PDE11A: variants seen among roughly 807,000 people sequenced by gnomAD.
PDE11A encodes dual 3',5'-cyclic-AMP and -GMP phosphodiesterase 11A.
A neutral mutation model predicts 100.5 loss-of-function variants in PDE11A; 100 were observed. The ratio of observed to expected loss-of-function variants is 1.00; its 90% CI spans 0.85 to 1.18. The LOEUF (loss-of-function observed/expected upper bound fraction) is 1.18, where lower values mean the gene tolerates loss of function less well. Among genes scored for constraint, PDE11A ranks in the 50% most tolerant of loss-of-function variants. PDE11A has a pLI of 0.00. For missense variants in PDE11A, 1,141 were observed against 1,152.6 expected, an observed-to-expected ratio of 0.99 and a Z score of 0.15; for synonymous variants, 381 against 420.8, an observed-to-expected ratio of 0.91 and a Z score of 1.16.
At chr2:177,907,638 C>T (rs2084810912) in intron 2 of PDE11A, among the ~76,000 whole-genome samples, 1 of 152,190 alleles carries the variant, frequency 6.6e-6, no homozygotes, top group African/African-American at 2.4e-5. Flanking sequence ...GAGGCACTGG[C>T]TGTATCTTTC....
intron 1 of PDE11A, among the ~76,000 whole-genome samples, chr2:178,048,716 T>C (rs563210920): frequency 7.2e-5 from 11 of 152,096 alleles, no homozygotes; most frequent in Non-Finnish European, 1.5e-4. Flanking sequence ...CTTGGGAGGG[T>C]AGGTTTATCT....
At chr2:177,891,080 T>G (rs2084521655) in intron 4 of PDE11A, among the ~76,000 whole-genome samples, 1 of 152,216 alleles carries the variant, frequency 6.6e-6, no homozygotes, top group South Asian at 2.1e-4. Flanking sequence ...ATACTCATTT[T>G]GGTCTCATCT....
At chr2:177,880,468 T>C (rs950606828) in intron 4 of PDE11A, among the ~76,000 whole-genome samples, 1 of 152,216 alleles carries the variant, frequency 6.6e-6, no homozygotes, top group Admixed American at 6.5e-5. Flanking sequence ...ACACTATCCA[T>C]GACTCCATGA....
intron 5 of PDE11A, among the ~76,000 whole-genome samples, chr2:177,858,827 C>A (rs2083890483): frequency 6.6e-6 from 1 of 152,180 alleles, no homozygotes; most frequent in Non-Finnish European, 1.5e-5. Context: ...TTCACAATAG[C>A]AAAGACTTGG....
intron 1 of PDE11A, among the ~76,000 whole-genome samples, chr2:178,038,469 T>C (rs2086643891): frequency 6.6e-6 from 1 of 152,100 alleles, no homozygotes; most frequent in African/African-American, 2.4e-5. Context: ...AAAATATTTG[T>C]AATACATATA....
chr2:177,838,785 C>T (rs1022079845), intron 6 of PDE11A, among the ~76,000 whole-genome samples: 2 of 152,188 alleles, frequency 1.3e-5, no homozygotes, highest in African/African-American at 4.8e-5. Flanking sequence ...ATTTTCAGTG[C>T]TCCAGTCATA....
intron 5 of PDE11A, among the ~76,000 whole-genome samples, chr2:177,863,590 A>G (rs527889010): frequency 6.6e-6 from 1 of 152,200 alleles, no homozygotes. Flanking sequence ...GGTGCTCAAC[A>G]TTATCAACAT....
At chr2:177,983,583 G>A (rs924274282) in intron 2 of PDE11A, among the ~76,000 whole-genome samples, 2 of 152,156 alleles carry the variant, frequency 1.3e-5, no homozygotes, top group African/African-American at 4.8e-5. Flanking sequence ...CCAAACCTAA[G>A]AAGCCACTTA....
intron 5 of PDE11A, among the ~76,000 whole-genome samples, chr2:177,860,271 G>A (rs1186458156): frequency 6.6e-6 from 1 of 150,950 alleles, no homozygotes; most frequent in Non-Finnish European, 1.5e-5. Context: ...AAACGAAAGA[G>A]GGGCTTTAAC....
intron 10 of PDE11A, among the ~76,000 whole-genome samples, chr2:177,757,450 A>G (rs2105484630): frequency 6.6e-6 from 1 of 152,318 alleles, no homozygotes; most frequent in South Asian, 2.1e-4. Flanking sequence ...ATCAGCAAAA[A>G]TGCTGTGGTT....
chr2:178,029,060 G>T (rs996604757), intron 1 of PDE11A, among the ~76,000 whole-genome samples: 5 of 152,232 alleles, frequency 3.3e-5, no homozygotes, highest in Middle Eastern at 3.4e-3. Context: ...CCTTACTTAA[G>T]AAAGGTTATC....
At chr2:177,957,910 CT>C (rs748839068) in intron 2 of PDE11A, among the ~76,000 whole-genome samples, 13 of 114,482 alleles carry the variant, frequency 1.1e-4, no homozygotes, top group South Asian at 3.0e-4. Context: ...TTTCCAATGC[CT>C]TTTTTTTGAG....
At position 177,703,705 on chromosome 2, in the gene PDE11A, C is replaced by T. The variant is rs532781473; in HGVS notation, c.2154-2494G>A. On this transcript the variant is annotated intron_variant, in intron 13 of 19. Coordinates refer to ENST00000286063, the MANE Select transcript of PDE11A (RefSeq NM_016953.4). Reference sequence around the variant, plus strand: ...TTAACAGACTCCACAAAAGCTGCATCAGCTAGATGATCAGAAGTCACTCTG... The same window carrying T: ...TTAACAGACTCCACAAAAGCTGCATTAGCTAGATGATCAGAAGTCACTCTG... 9.8e-5 allele frequency among the ~76,000 whole-genome samples: 15 copies of T among 152,296 alleles called. No homozygotes were observed. The South Asian group carries it at 2.7e-3, about 27-fold the overall frequency.
At chr2:178,052,579 G>A (rs917623106) in intron 1 of PDE11A, among the ~76,000 whole-genome samples, 2 of 151,962 alleles carry the variant, frequency 1.3e-5, no homozygotes, top group Non-Finnish European at 2.9e-5. Context: ...CCAGGAGCTG[G>A]TTTTTTGAAA....
At chr2:177,664,237 A>G (rs1055136927) in intron 18 of PDE11A, among the ~76,000 whole-genome samples, 3 of 152,234 alleles carry the variant, frequency 2.0e-5, no homozygotes, top group African/African-American at 7.2e-5. Flanking sequence ...AAATCAAGTC[A>G]TCAGGTCACT....
At chr2:177,962,940 G>T (rs1016004136) in intron 2 of PDE11A, among the ~76,000 whole-genome samples, 6 of 152,066 alleles carry the variant, frequency 3.9e-5, no homozygotes, top group Non-Finnish European at 7.4e-5. Flanking sequence ...AAAATATTCT[G>T]AACTGTTATT....
intron 6 of PDE11A, among the ~76,000 whole-genome samples, chr2:177,838,323 G>A (rs1346332720): frequency 3.9e-5 from 6 of 152,052 alleles, no homozygotes; most frequent in Admixed American, 3.9e-4. Context: ...ACAACTACTA[G>A]ATTTTCTTCT....
intron 1 of PDE11A, among the ~76,000 whole-genome samples, chr2:178,040,360 T>C (rs1332002829): frequency 6.6e-6 from 1 of 152,098 alleles, no homozygotes; most frequent in Non-Finnish European, 1.5e-5. Flanking sequence ...CCAGCTAGTG[T>C]TTTACATTTT....
At chr2:178,068,201 A>G (rs1169494206) in intron 1 of PDE11A, among the ~76,000 whole-genome samples, 2 of 151,946 alleles carry the variant, frequency 1.3e-5, no homozygotes. Context: ...TGCAGTCACT[A>G]TGATCTGGAC....
Sources: gnomAD v4.1 joint callset for allele counts (sites outside exome capture counted in the v4.1 genomes callset) on GRCh38, gnomAD v4.1.1 for gene constraint, MANE v1.5 for transcripts, NCBI Gene and HGNC (gene_info 2026-07-23, HGNC 2026-07-21) for gene names.